The following VWA8 variants were observed in gnomAD, a reference collection of about 807,000 sequenced individuals.
The protein encoded by VWA8 is von Willebrand factor A domain-containing protein 8.
A neutral mutation model predicts 241.5 loss-of-function variants in VWA8; 221 were observed. That is an observed-to-expected ratio of 0.91 (90% CI 0.82 to 1.02). The LOEUF (loss-of-function observed/expected upper bound fraction) is 1.02. Among genes scored for constraint, VWA8 ranks in the 50% least tolerant of loss-of-function variants. The pLI, the probability that VWA8 is intolerant of heterozygous loss-of-function variation, is 0.00. For synonymous variants in VWA8, 852 were observed against 827.1 expected (o/e 1.03, Z -0.52); for missense variants, 2,322 against 2,328.7 (o/e 1.00, Z 0.06).
intron 12 of VWA8, among the ~76,000 whole-genome samples, chr13:41,863,182 C>T (rs1023866875): frequency 6.6e-6 from 1 of 151,302 alleles, no homozygotes; most frequent in Non-Finnish European, 1.5e-5. Flanking sequence ...AAAGGCAAGA[C>T]GGGTCTAGCC....
intron 5 of VWA8, among the ~76,000 whole-genome samples, chr13:41,888,220 T>C (rs1207124579): frequency 6.6e-6 from 1 of 152,198 alleles, no homozygotes; most frequent in Non-Finnish European, 1.5e-5. Context: ...TCTGCCTAAC[T>C]CTTATCAATG....
intron 37 of VWA8, among the ~76,000 whole-genome samples, chr13:41,626,854 C>T (rs1009474243): frequency 6.6e-6 from 1 of 152,074 alleles, no homozygotes; most frequent in Non-Finnish European, 1.5e-5. Flanking sequence ...TGGACATAGG[C>T]CTTGGCAAAG....
At chr13:41,619,538 G>A (rs967632057) in intron 37 of VWA8, among the ~76,000 whole-genome samples, 3 of 152,298 alleles carry the variant, frequency 2.0e-5, no homozygotes, top group Admixed American at 6.5e-5. Context: ...GGGCATCCCT[G>A]TCTTGTGCCA....
chr13:41,830,807 C>G (rs746209519), intron 13 of VWA8, among the ~76,000 whole-genome samples, 165 bp from the exon 14 acceptor site: 61 of 152,174 alleles, frequency 4.0e-4, no homozygotes, highest in Non-Finnish European at 7.4e-4. Flanking sequence ...TGCTGTTACA[C>G]TTCGCAAAAC....
intron 17 of VWA8, among the ~76,000 whole-genome samples, chr13:41,809,531 T>G (rs1411023876): frequency 6.6e-6 from 1 of 152,160 alleles, no homozygotes; most frequent in African/African-American, 2.4e-5. Context: ...TAAATGGTGC[T>G]GGGAAAACTG....
chr13:41,783,639 G>GA (rs150170475), intron 19 of VWA8, among the ~76,000 whole-genome samples, 156 bp downstream of exon 19: 31,060 of 111,660 alleles, frequency 0.28, 3,320 homozygotes, highest in Middle Eastern at 0.32. Flanking sequence ...CTGCATCACA[G>GA]AAAAAAAAAA....
At chr13:41,930,026 A>G (rs1877030650) in intron 2 of VWA8, among the ~76,000 whole-genome samples, 1 of 152,252 alleles carries the variant, frequency 6.6e-6, no homozygotes, top group Admixed American at 6.5e-5. Context: ...AAGAATTCAT[A>G]TAATTCAATA....
intron 40 of VWA8, 109 bp from the exon 41 acceptor site, chr13:41,590,874 G>T: frequency 7.1e-7 from 1 of 1,399,434 alleles, no homozygotes; most frequent in Non-Finnish European, 9.9e-7. Context: ...TTCAGTAAGT[G>T]ATGGTTCTGC....
chr13:41,586,083 T>A (rs1482674290), intron 42 of VWA8, among the ~76,000 whole-genome samples: 1 of 151,924 alleles, frequency 6.6e-6, no homozygotes, highest in African/African-American at 2.4e-5. Context: ...TCCAAGTGAT[T>A]TAAGAACTAT....
rs1374007081 is a variant in VWA8, at chr13:41,688,095, AGGCTGCTATAAACACTG to A, written c.4131+1242_4131+1258del. On this transcript the variant is annotated intron_variant, in intron 34 of 44. Coordinates refer to ENST00000379310, the MANE Select transcript of VWA8 (RefSeq NM_015058.2). ...TATAAAACACATCTCTTTCATATCAAGGCTGCTATAAACACTGTATTTCAATAACGTTTCATTTTGAA... is the reference window on the plus strand; with the variant it reads ...TATAAAACACATCTCTTTCATATCAATATTTCAATAACGTTTCATTTTGAA... 5.3e-5 allele frequency among the ~76,000 whole-genome samples: 8 copies of A among 152,248 alleles called. No individual in the cohort carries two copies. The East Asian group carries it at 1.5e-3, about 29-fold the overall frequency.
intron 16 of VWA8, among the ~76,000 whole-genome samples, chr13:41,813,557 C>G (rs981332154): frequency 6.6e-6 from 1 of 151,988 alleles, no homozygotes; most frequent in African/African-American, 2.4e-5. Flanking sequence ...CCTGTTAAAC[C>G]ATAGGGTATA....
At chr13:41,829,876 A>G (rs1021187887) in intron 14 of VWA8, among the ~76,000 whole-genome samples, 2 of 152,160 alleles carry the variant, frequency 1.3e-5, no homozygotes, top group African/African-American at 4.8e-5. Flanking sequence ...AGAAATCGCC[A>G]CTAAAGAACT....
intron 9 of VWA8, among the ~76,000 whole-genome samples, chr13:41,868,812 C>A (rs753286907): frequency 1.4e-5 from 2 of 147,248 alleles, no homozygotes; most frequent in Non-Finnish European, 3.0e-5. Context: ...GGCGTGAACC[C>A]GGGAGGTGGA....
intron 37 of VWA8, among the ~76,000 whole-genome samples, chr13:41,642,389 C>G (rs1444174187): frequency 6.6e-6 from 1 of 151,640 alleles, no homozygotes; most frequent in East Asian, 1.9e-4. Flanking sequence ...GAAACCCTGT[C>G]TCTACTAAAA....
intron 1 of VWA8, among the ~76,000 whole-genome samples, chr13:41,956,104 T>C (rs1878340762): frequency 6.6e-6 from 1 of 151,888 alleles, no homozygotes; most frequent in African/African-American, 2.4e-5. Flanking sequence ...TTCATGAGGG[T>C]TTTTCAACAG....
chr13:41,815,821 T>C (rs767360157), intron 16 of VWA8, among the ~76,000 whole-genome samples: 5 of 152,224 alleles, frequency 3.3e-5, no homozygotes, highest in African/African-American at 4.8e-5. Context: ...CAAGAGGATA[T>C]AATATTCCAG....
At chr13:41,772,186 G>A (rs938284998) in intron 20 of VWA8, among the ~76,000 whole-genome samples, 2 of 152,080 alleles carry the variant, frequency 1.3e-5, no homozygotes, top group Non-Finnish European at 2.9e-5. Flanking sequence ...CACTGCGCCC[G>A]GCCTCCGGCA....
intron 28 of VWA8, among the ~76,000 whole-genome samples, chr13:41,700,089 C>G (rs1593705066): frequency 6.6e-6 from 1 of 152,082 alleles, no homozygotes; most frequent in African/African-American, 2.4e-5. Context: ...AGGGATTAAG[C>G]TACTTTTGCA....
intron 26 of VWA8, among the ~76,000 whole-genome samples, chr13:41,704,413 C>T (rs1377978373): frequency 1.3e-5 from 2 of 151,752 alleles, no homozygotes; most frequent in Non-Finnish European, 2.9e-5. Flanking sequence ...CCAAAACCAA[C>T]ATGGCAATAC....
Sources: allele counts gnomAD v4.1 joint callset (sites outside exome capture counted in the v4.1 genomes callset), GRCh38; gene constraint gnomAD v4.1.1; transcripts MANE v1.5; gene names NCBI Gene and HGNC (gene_info 2026-07-23, HGNC 2026-07-21).